The following MCOLN1 variants were observed in gnomAD, a reference collection of about 807,000 sequenced individuals.
The protein encoded by MCOLN1 is mucolipin TRP cation channel 1.
MCOLN1 carries 50 observed loss-of-function variants against 70.3 expected under a neutral mutation model. That is an observed-to-expected ratio of 0.71 (90% confidence interval 0.57 to 0.90). MCOLN1 has a LOEUF of 0.90. Among genes scored for constraint, MCOLN1 ranks in the 40% least tolerant of loss-of-function variants. The pLI is 0.00. For synonymous variants in MCOLN1, 366 were observed against 341.0 expected, an observed-to-expected ratio of 1.07 and a Z score of -0.81; for missense variants, 598 against 803.5, an observed-to-expected ratio of 0.74 and a Z score of 3.09.
In MCOLN1 at chr19:7,528,488, C is replaced by T. The variant is rs2146024444; in HGVS notation, c.878-109C>T. 3.4e-6 allele frequency: 5 copies of T among 1,464,152 alleles called. No individual in the cohort carries two copies. Among genetic ancestry groups the T allele is most frequent in the Non-Finnish European group, 4.7e-6 (5 of 1,070,262 alleles). 90.7% of individuals were successfully genotyped at this position (1,464,152 alleles called of 1,614,324 possible). On this transcript the variant is annotated intron_variant, in intron 7 of 13. Transcript: ENST00000264079. The surrounding 1 kb of genome is among the most constrained non-coding windows in gnomAD (Gnocchi z 4.2). ...AGCAAGCCCTGAGCCCACTGACCAA[C>T]CAAAACCAGCCGTGCAGCCCCCTAG...
At chr19:7,527,209 C>G in intron 4 of MCOLN1, 1 of 539,378 alleles carries the variant, frequency 1.9e-6, no homozygotes, top group Non-Finnish European at 3.3e-6. Flanking sequence ...GAGGTTGAGG[C>G]TGCAGTAAGC....
chr19:7,531,714 C>T (rs1233379019), intron 12 of MCOLN1, among the ~76,000 whole-genome samples: 1 of 152,082 alleles, frequency 6.6e-6, no homozygotes, highest in African/African-American at 2.4e-5. Flanking sequence ...GTCACCCAGG[C>T]TGGAGTGCAG....
intron 10 of MCOLN1, 85 bp from the exon 11 acceptor site, chr19:7,529,505 C>CCCCCCCCCCCCCCCCCCCAGGGGGG: frequency 1.3e-6 from 1 of 755,744 alleles, no homozygotes; most frequent in Non-Finnish European, 2.3e-6. Flanking sequence ...GGCAAGGCCC[C>CCCCCCCCCCCCCCCCCCCAGGGGGG]GCCCCTCCCA....
At position 7,528,711 on chromosome 19, in the gene MCOLN1, T is replaced by G; in HGVS notation, c.984+8T>G. The G allele has an allele frequency of 1.2e-6, 2 of 1,614,202 alleles. No homozygotes were observed. The highest frequency in any genetic ancestry group is 8.5e-7 in the Non-Finnish European group (1 of 1,180,024). On this transcript the variant is annotated splice_region_variant and intron_variant, in intron 8 of 13. Coordinates refer to ENST00000264079, the MANE Select transcript of MCOLN1 (RefSeq NM_020533.3). The surrounding 1 kb of genome is among the most constrained non-coding windows in gnomAD (Gnocchi z 4.2). ...GGCTTCCTGCTGCAGAACGTGAGGC[T>G]TCTGCGTCATGTGTGCTGGTGTCCT...
At position 7,528,592 on chromosome 19, in the gene MCOLN1, C is replaced by CGCA. The variant is rs749442754; in HGVS notation, c.878-3_878-1dup. The CGCA allele has an allele frequency of 6.2e-7, 1 of 1,614,156 alleles. No individual in the cohort carries two copies. Among genetic ancestry groups the CGCA allele is most frequent in the South Asian group, 1.1e-5 (1 of 91,078 alleles). On this transcript the variant is annotated splice_region_variant and splice_polypyrimidine_tract_variant and intron_variant, in intron 7 of 13. Coordinates refer to ENST00000264079, the MANE Select transcript of MCOLN1 (RefSeq NM_020533.3). The surrounding 1 kb of genome is among the most constrained non-coding windows in gnomAD (Gnocchi z 4.2). ...TTGGCCCTACCCGCTCTGCCCTCCC[C>CGCA]GCAGGAGACAACAGCTTCCGGCTCC...
Position 7,529,117 on chromosome 19 carries a change from A to G in MCOLN1, c.1151A>G (p.Asp384Gly), listed in dbSNP as rs1189981802. ...CACCCGCAGAACTTGGCGAGCTACG[A>G]CGTCTGCAGCATCCTCCTGGGCACC... ...GIEAKNLASY[D>G]VCSILLGTST... Residue 384 changes from aspartate (D) to glycine (G), a missense_variant, in exon 10 of 14, where the codon GAC becomes GGC. Physicochemically the swap from Asp to Gly is moderately conservative, Grantham distance 94. Coordinates refer to ENST00000264079, the MANE Select transcript of MCOLN1 (RefSeq NM_020533.3). 1.2e-6 allele frequency: 2 copies of G among 1,613,860 alleles called. No homozygotes were observed. Among genetic ancestry groups the G allele is most frequent in the Non-Finnish European group, 1.7e-6 (2 of 1,179,982 alleles).
Position 7,529,707 on chromosome 19 carries a change from G to A in MCOLN1, c.1354G>A (p.Val452Met), listed in dbSNP as rs1270474037. ...CTGGATCGTGCTGGGGCCCTATCATGTGAAGGTACATCTAACCCCTGATGT... is the reference window on the plus strand; with the variant it reads ...CTGGATCGTGCTGGGGCCCTATCATATGAAGGTACATCTAACCCCTGATGT... ...CGWIVLGPYH[V>M]KFRSLSMVSE... The change falls in exon 11 of 14, where the codon GTG (valine) becomes ATG (methionine). Residue 452 changes from valine to methionine, a missense_variant. Val to Met is a conservative substitution (Grantham distance 21, BLOSUM62 1). Coordinates refer to ENST00000264079, the MANE Select transcript of MCOLN1 (RefSeq NM_020533.3). 1 of 1,613,996 alleles carries A rather than the reference G, an allele frequency of 6.2e-7. No individual in the cohort carries two copies. The highest frequency in any genetic ancestry group is 2.2e-5 in the East Asian group (1 of 44,884).
rs765016879 is a variant in MCOLN1 at position 7,528,007 on chromosome 19, G to C, written c.777+47G>C. On this transcript the variant is annotated intron_variant, in intron 6 of 13. Transcript: ENST00000264079. The surrounding 1 kb of genome is among the most constrained non-coding windows in gnomAD (Gnocchi z 4.2). ...CAGGGCTCCTGAGTTCCAGGGCAGG[G>C]ACCTGGTCAGGGAGTGTCTTGGGAG... The C allele has an allele frequency of 6.4e-7, 1 of 1,573,912 alleles. No homozygotes were observed. Among genetic ancestry groups the C allele is most frequent in the Admixed American group, 1.7e-5 (1 of 59,954 alleles).
At chr19:7,532,939 T>C (rs750748115) in intron 12 of MCOLN1, among the ~76,000 whole-genome samples, 14 of 152,130 alleles carry the variant, frequency 9.2e-5, no homozygotes, top group Non-Finnish European at 1.8e-4. Context: ...AGCAAAGGTC[T>C]AGTAGCCTGA....
In MCOLN1 at chr19:7,533,948, G is replaced by A. The variant is rs373527173; in HGVS notation, c.*153G>A. The A allele has an allele frequency of 1.2e-6, 1 of 834,388 alleles. No individual in the cohort carries two copies. Among genetic ancestry groups the A allele is most frequent in the African/African-American group, 1.7e-5 (1 of 59,250 alleles). 51.7% of individuals were successfully genotyped at this position (834,388 alleles called of 1,614,324 possible). Reference sequence around the variant, plus strand: ...CTTTCGTGTCGGACCCTTGGGGGCGGGGAGACTGGGTGGGGAGGGTGTTGA... The same window carrying A: ...CTTTCGTGTCGGACCCTTGGGGGCGAGGAGACTGGGTGGGGAGGGTGTTGA... On this transcript the variant is annotated 3_prime_UTR_variant, in exon 14 of 14. Transcript: ENST00000264079.
rs747683527 is a variant in MCOLN1 at position 7,530,289 on chromosome 19, C to G, written c.1363C>G (p.Arg455Gly). Residue 455 changes from arginine to glycine, a missense_variant, in exon 12 of 14, where the codon CGC becomes GGC. Around this residue, in one of 3 missense-constraint regions of MCOLN1, gnomAD observed 78 missense variants for 156.2 expected, o/e 0.50. Coordinates refer to ENST00000264079, the MANE Select transcript of MCOLN1 (RefSeq NM_020533.3). ...GACCCCGCCGCCCCTCTGGCAGTTC[C>G]GCTCACTCTCCATGGTGTCTGAGTG... ...IVLGPYHVKF[R>G]SLSMVSECLF... is the part of the protein sequence containing the mutation. The G allele has an allele frequency of 6.2e-7, 1 of 1,612,608 alleles. No homozygotes were observed. Among genetic ancestry groups the G allele is most frequent in the South Asian group, 1.1e-5 (1 of 91,076 alleles).
rs1422217147 is a variant in MCOLN1 at position 7,533,548 on chromosome 19, A to G, written c.1601A>G (p.Glu534Gly). 1 of 1,611,724 alleles carries G rather than the reference A, an allele frequency of 6.2e-7. No homozygotes were observed. The highest frequency in any genetic ancestry group is 1.7e-5 in the Admixed American group (1 of 60,014). ...CATCCCGGCGGCGCAGGCGCAGAGGAGAGCGAGCTGCAGGCCTACATCGCA... is the reference window on the plus strand; with the variant it reads ...CATCCCGGCGGCGCAGGCGCAGAGGGGAGCGAGCTGCAGGCCTACATCGCA... Reference protein sequence around the residue: ...IKHPGGAGAEESELQAYIAQC... With the variant: ...IKHPGGAGAEGSELQAYIAQC... The change falls in exon 13 of 14, where the codon GAG becomes GGG. Residue 534 changes from glutamate to glycine, a missense_variant. Around this residue, in one of 3 missense-constraint regions of MCOLN1, gnomAD observed 78 missense variants for 156.2 expected, o/e 0.50. Coordinates refer to ENST00000264079, the MANE Select transcript of MCOLN1 (RefSeq NM_020533.3).
Position 7,528,367 on chromosome 19 carries a change from G to A in MCOLN1, c.877+110G>A, listed in dbSNP as rs2022603380. 5 of 1,125,526 alleles carry A rather than the reference G, an allele frequency of 4.4e-6. No homozygotes were observed. The highest frequency in any genetic ancestry group is 1.5e-5 in the African/African-American group (1 of 64,818). The allele number at this position is 1,125,526 out of a possible 1,614,324, so 69.7% of individuals were successfully genotyped here. On this transcript the variant is annotated intron_variant, in intron 7 of 13. Transcript: ENST00000264079. The surrounding 1 kb of genome is among the most constrained non-coding windows in gnomAD (Gnocchi z 4.2). ...GGGGCCGTGACCTCCCCAGGAATCCGCTGAGCCTCAGATCAGCACAGACCA... is the reference window on the plus strand; with the variant it reads ...GGGGCCGTGACCTCCCCAGGAATCCACTGAGCCTCAGATCAGCACAGACCA...
chr19:7,533,049 C>T (rs186605030), intron 12 of MCOLN1, among the ~76,000 whole-genome samples: 10 of 152,332 alleles, frequency 6.6e-5, no homozygotes, highest in Non-Finnish European at 1.0e-4. Flanking sequence ...CAGATGGGTA[C>T]ACCCCCTTTT....
chr19:7,522,861 A>G, intron 1 of MCOLN1, 80 bp downstream of exon 1: 1 of 1,211,458 alleles, frequency 8.3e-7, no homozygotes, highest in Non-Finnish European at 1.1e-6. Flanking sequence ...CGGAGCTCCT[A>G]GTCTCTTTTT....
Position 7,525,460 on chromosome 19 carries a change from T to G in MCOLN1, c.237+294T>G. The G allele has an allele frequency of 2.6e-6, 1 of 378,456 alleles. No homozygotes were observed. Among genetic ancestry groups the G allele is most frequent in the Non-Finnish European group, 5.1e-6 (1 of 196,476 alleles). The allele number at this position is 378,456 out of a possible 1,614,324, so 23.4% of individuals were successfully genotyped here. Reference sequence around the variant, plus strand: ...GTGAGCTGAAATCATGCCACTGCACTCCAGCCTGGGCAACAGAGCAAGACT... The same window carrying G: ...GTGAGCTGAAATCATGCCACTGCACGCCAGCCTGGGCAACAGAGCAAGACT... On this transcript the variant is annotated intron_variant, in intron 2 of 13. Coordinates refer to ENST00000264079, the MANE Select transcript of MCOLN1 (RefSeq NM_020533.3). The surrounding 1 kb of genome is among the most constrained non-coding windows in gnomAD (Gnocchi z 4.2).
chr19:7,533,375 T>A (rs2022693881), intron 12 of MCOLN1, 148 bp from the exon 13 acceptor site: 1 of 1,042,156 alleles, frequency 9.6e-7, no homozygotes, highest in South Asian at 1.5e-5. Flanking sequence ...GCAAGCAAAC[T>A]GTGGAACAAC....
At position 7,528,076 on chromosome 19, in the gene MCOLN1, G is replaced by A. The variant is rs893745580; in HGVS notation, c.778-82G>A. On this transcript the variant is annotated intron_variant, in intron 6 of 13. Transcript: ENST00000264079. The surrounding 1 kb of genome is among the most constrained non-coding windows in gnomAD (Gnocchi z 4.2). Reference sequence around the variant, plus strand: ...GTGCGGGTGATGAGGGAGGGAGCCCGGGGTCTGTCAGGCCACCTGTCATGT... The same window carrying A: ...GTGCGGGTGATGAGGGAGGGAGCCCAGGGTCTGTCAGGCCACCTGTCATGT... 3.6e-5 allele frequency: 55 copies of A among 1,544,152 alleles called. No homozygotes were observed. The highest frequency in any genetic ancestry group is 9.0e-5 in the East Asian group (4 of 44,502).
At position 7,528,756 on chromosome 19, in the gene MCOLN1, G is replaced by A. The variant is rs749281076; in HGVS notation, c.984+53G>A. 6.8e-6 allele frequency: 11 copies of A among 1,614,094 alleles called. No individual in the cohort carries two copies. Among genetic ancestry groups the A allele is most frequent in the South Asian group, 5.5e-5 (5 of 91,074 alleles). On this transcript the variant is annotated intron_variant, in intron 8 of 13. Coordinates refer to ENST00000264079, the MANE Select transcript of MCOLN1 (RefSeq NM_020533.3). This position sits in a 1 kb window ranked among gnomAD's most constrained non-coding sequence, Gnocchi z 4.2. ...TGTCCTCCCCGCCTGGCCCTGGGGC[G>A]ATAAAAGCCAGGGCTTTGAGGGTCC...
Sources: allele counts gnomAD v4.1 joint callset (sites outside exome capture counted in the v4.1 genomes callset), GRCh38; gene constraint gnomAD v4.1.1; regional missense constraint gnomAD v4.1.1; non-coding constraint Gnocchi (gnomAD v3.1); transcripts MANE v1.5; gene names NCBI Gene and HGNC (gene_info 2026-07-23, HGNC 2026-07-21).